Variants in RGS7 observed in about 807,000 individuals in gnomAD.
RGS7 encodes the protein regulator of G protein signaling 7.
Under a neutral mutation model 81.1 loss-of-function variants are expected in RGS7, and 27 were observed. The ratio of observed to expected loss-of-function variants is 0.33; its 90% CI spans 0.25 to 0.46. The LOEUF is 0.46. RGS7 is among the 20% of genes least tolerant of loss of function. The probability of loss-of-function intolerance (pLI) is 1.00; values close to 1 mark genes in which losing one functional copy is unlikely to be tolerated. For missense variants in RGS7, 396 were observed against 607.4 expected (o/e 0.65, Z 3.66); for synonymous variants, 208 against 207.7 (o/e 1.00, Z -0.01).
At chr1:240,878,412 T>C (rs1242458806) in intron 6 of RGS7, among the ~76,000 whole-genome samples, 1 of 151,982 alleles carries the variant, frequency 6.6e-6, no homozygotes, top group Non-Finnish European at 1.5e-5. Context: ...GCTCAAAACA[T>C]AGTTGGGGAG....
At chr1:241,076,305 T>C (rs2062797242) in intron 3 of RGS7, among the ~76,000 whole-genome samples, 3 of 152,184 alleles carry the variant, frequency 2.0e-5, no homozygotes, top group Admixed American at 2.0e-4. Flanking sequence ...GCCCTCCTGA[T>C]GGCTTCCCTT....
intron 2 of RGS7, among the ~76,000 whole-genome samples, chr1:241,259,667 A>AAAAAAAAAAAATAT: frequency 1.2e-4 from 6 of 49,138 alleles, no homozygotes; most frequent in Admixed American, 3.8e-4. Context: ...AAAAAAAAAA[A>AAAAAAAAAAAATAT]ATATATATAT....
intron 3 of RGS7, among the ~76,000 whole-genome samples, chr1:241,034,155 A>G (rs1458675772): frequency 6.6e-6 from 1 of 152,252 alleles, no homozygotes; most frequent in African/African-American, 2.4e-5. Context: ...TCCAAGGGAC[A>G]TAAAAGAAAT....
chr1:241,089,063 C>CTCTATATA (rs1374552672), intron 3 of RGS7, among the ~76,000 whole-genome samples: 36 of 23,686 alleles, frequency 1.5e-3, no homozygotes, highest in Non-Finnish European at 1.4e-3. Flanking sequence ...CTCTCTCTCT[C>CTCTATATA]TATATATATA....
chr1:241,267,314 C>T (rs1412164718), intron 2 of RGS7, among the ~76,000 whole-genome samples: 4 of 152,216 alleles, frequency 2.6e-5, no homozygotes, highest in South Asian at 4.1e-4. Flanking sequence ...CACCTGATTA[C>T]TCCTTTGCTC....
intron 3 of RGS7, among the ~76,000 whole-genome samples, chr1:241,045,180 TG>T (rs1286198992): frequency 6.6e-6 from 1 of 152,200 alleles, no homozygotes; most frequent in African/African-American, 2.4e-5. Flanking sequence ...TCCTCCATGT[TG>T]GAAAACACTT....
chr1:240,780,099 T>A (rs1268252335), intron 18 of RGS7, among the ~76,000 whole-genome samples: 2 of 152,214 alleles, frequency 1.3e-5, no homozygotes, highest in Admixed American at 6.5e-5. Flanking sequence ...TGAATAGAAT[T>A]GTATACACAT....
At position 240,908,470 on chromosome 1, in the gene RGS7, T is replaced by G. The variant is rs1382244; in HGVS notation, c.385+22247A>C. Among the ~76,000 whole-genome samples the G allele has an allele frequency of 4.7e-3, 710 of 152,066 alleles. 6 individuals are homozygous for G. The highest frequency in any genetic ancestry group is 0.017 in the African/African-American group (695 of 41,490). ...CTTTCCTGTAGTTCTTAAGCCCACA[T>G]GAACAAATGAATGAATGAATCAATC... On this transcript the variant is annotated intron_variant, in intron 6 of 18. Transcript: ENST00000440928.
chr1:241,211,964 A>T (rs2074266624), intron 2 of RGS7, among the ~76,000 whole-genome samples: 1 of 152,130 alleles, frequency 6.6e-6, no homozygotes, highest in South Asian at 2.1e-4. Context: ...ACTAACAATT[A>T]CATTATTATT....
chr1:240,854,568 T>TTC (rs564564697), intron 9 of RGS7, among the ~76,000 whole-genome samples: 87 of 152,272 alleles, frequency 5.7e-4, no homozygotes, highest in Admixed American at 1.6e-3. Flanking sequence ...GTCTGGACTT[T>TTC]TCAGACGGCA....
At chr1:241,023,236 T>C (rs1198836364) in intron 3 of RGS7, among the ~76,000 whole-genome samples, 1 of 152,238 alleles carries the variant, frequency 6.6e-6, no homozygotes, top group African/African-American at 2.4e-5. Flanking sequence ...GACTAAACTT[T>C]AGTTCAGCTT....
chr1:241,336,440 A>T (rs953664877), intron 2 of RGS7, among the ~76,000 whole-genome samples: 18 of 152,338 alleles, frequency 1.2e-4, no homozygotes, highest in Non-Finnish European at 2.5e-4. Context: ...AGAGAAGGAT[A>T]ATCCCTAAAA....
At chr1:240,954,497 C>A (rs183970336) in intron 4 of RGS7, among the ~76,000 whole-genome samples, 6 of 151,826 alleles carry the variant, frequency 4.0e-5, no homozygotes, top group Non-Finnish European at 4.4e-5. Context: ...AAAACTTATA[C>A]GATCATATCA....
intron 2 of RGS7, among the ~76,000 whole-genome samples, chr1:241,136,039 TAA>T (rs2067492939): frequency 6.6e-6 from 1 of 151,208 alleles, no homozygotes; most frequent in Non-Finnish European, 1.5e-5. Context: ...CTGTGGACAA[TAA>T]AAGACAGTGT....
chr1:241,109,345 CCCTCCCCCTA>C (rs997440198), intron 2 of RGS7, among the ~76,000 whole-genome samples: 3 of 152,054 alleles, frequency 2.0e-5, no homozygotes, highest in African/African-American at 7.2e-5. Flanking sequence ...CCGTCTTTAT[CCCTCCCCCTA>C]CCTCTCTCAT....
intron 10 of RGS7, 82 bp downstream of exon 10, chr1:240,827,016 G>A: frequency 9.0e-7 from 1 of 1,106,642 alleles, no homozygotes; most frequent in Admixed American, 1.7e-5. Flanking sequence ...TGCATGACAT[G>A]AGAAGAAAGT....
intron 3 of RGS7, among the ~76,000 whole-genome samples, chr1:241,004,176 T>C (rs1455762107): frequency 6.6e-6 from 1 of 152,202 alleles, no homozygotes; most frequent in Non-Finnish European, 1.5e-5. Flanking sequence ...CTGCCTTTAA[T>C]CCAAGACTAA....
intron 6 of RGS7, among the ~76,000 whole-genome samples, chr1:240,887,669 T>C (rs1035796543): frequency 6.6e-6 from 1 of 152,236 alleles, no homozygotes; most frequent in African/African-American, 2.4e-5. Context: ...TAATTACATG[T>C]GTCTGTTGCA....
intron 2 of RGS7, among the ~76,000 whole-genome samples, chr1:241,339,851 T>A (rs900117198): frequency 2.6e-5 from 4 of 152,172 alleles, no homozygotes; most frequent in Admixed American, 2.6e-4. Context: ...ATAATCTTTA[T>A]TCTGATGGCC....
Sources: allele counts gnomAD v4.1 joint callset (sites outside exome capture counted in the v4.1 genomes callset), GRCh38; gene constraint gnomAD v4.1.1; transcripts MANE v1.5; gene names NCBI Gene and HGNC (gene_info 2026-07-23, HGNC 2026-07-21).